CDC45: variants seen among roughly 807,000 people sequenced by gnomAD.
CDC45 encodes cell division cycle 45.
CDC45 carries 54 observed loss-of-function variants against 77.8 expected under a neutral mutation model. The observed-to-expected ratio is 0.69, with a 90% confidence interval of 0.56 to 0.87. The LOEUF is 0.87. Among genes scored for constraint, CDC45 ranks in the 40% least tolerant of loss-of-function variants. The pLI, the probability that CDC45 is intolerant of heterozygous loss-of-function variation, is 0.00. For missense variants in CDC45, 649 were observed against 721.6 expected (o/e 0.90, Z 1.15); for synonymous variants, 260 against 272.1 (o/e 0.96, Z 0.44).
chr22:19,496,136 A>G, intron 7 of CDC45, 107 bp downstream of exon 7: 1 of 794,584 alleles, frequency 1.3e-6, no homozygotes, highest in Non-Finnish European at 2.1e-6. Context: ...GCCTGGTTTG[A>G]ATCTGAGCTC....
intron 16 of CDC45, 82 bp from the exon 17 acceptor site, chr22:19,516,735 C>T: frequency 1.5e-6 from 2 of 1,375,638 alleles, no homozygotes; most frequent in East Asian, 4.6e-5. Context: ...TGGTATTTGC[C>T]TCTAGTGTCT....
Position 19,495,990 on chromosome 22 carries a change from C to G in CDC45, c.552C>G (p.Ile184Met), listed in dbSNP as rs760225957. 8 of 1,610,760 alleles carry G rather than the reference C, an allele frequency of 5.0e-6. No individual in the cohort carries two copies. The South Asian group carries it at 8.8e-5, about 18-fold the overall frequency. ...RREWEARRRD[I>M]LFDYEQYEYH... ...TTTTATGTCATTACAGAAGAGACAT[C>G]CTCTTTGACTACGAGCAGTATGAAT... Residue 184 changes from isoleucine to methionine, a missense_variant, in exon 7 of 19, where the codon ATC becomes ATG. By Grantham distance (10) the Ile-to-Met change is conservative. Transcript: ENST00000263201.
At chr22:19,512,235 G>C (rs972485534) in intron 13 of CDC45, among the ~76,000 whole-genome samples, 1 of 152,068 alleles carries the variant, frequency 6.6e-6, no homozygotes, top group Non-Finnish European at 1.5e-5. Context: ...CTCCAGGGAG[G>C]CTCCTTAAAC....
chr22:19,503,999 G>T (rs1933010018), intron 9 of CDC45, among the ~76,000 whole-genome samples: 1 of 152,244 alleles, frequency 6.6e-6, no homozygotes. Flanking sequence ...TAGTTCAATG[G>T]AACCCAGTGG....
At chr22:19,519,194 C>T (rs13447292) in intron 18 of CDC45, among the ~76,000 whole-genome samples, 2 of 152,216 alleles carry the variant, frequency 1.3e-5, no homozygotes, top group South Asian at 2.1e-4. Context: ...CTGGGCATCG[C>T]GTGTGACACA....
At chr22:19,501,909 G>T (rs530258937) in intron 9 of CDC45, among the ~76,000 whole-genome samples, 2 of 152,142 alleles carry the variant, frequency 1.3e-5, no homozygotes, top group South Asian at 4.2e-4. Context: ...TAGAGATGGG[G>T]TCTTACTTTG....
At chr22:19,505,123 G>T in intron 9 of CDC45, 1 of 532,960 alleles carries the variant, frequency 1.9e-6, no homozygotes, top group East Asian at 3.3e-5. Context: ...GGAGGTGTGA[G>T]ACCCATGAGG....
chr22:19,508,490 C>G, intron 12 of CDC45, 40 bp from the exon 13 acceptor site: 1 of 1,612,056 alleles, frequency 6.2e-7, no homozygotes, highest in Non-Finnish European at 8.5e-7. Context: ...AGAGCTTGCC[C>G]ACAATTTGAG....
In CDC45 at chr22:19,497,435, A is replaced by G; in HGVS notation, c.641A>G (p.Asn214Ser). The stretch of plus-strand genomic sequence containing the variant: ...GCTTGGATGCTGTCCAAGGACCTGA[A>G]TGACATGCTGTGGTACGTAGCCCCT... ...ELAWMLSKDL[N>S]DMLWWAIVGL... The change falls in exon 8 of 19, where the codon AAT becomes AGT. Residue 214 changes from asparagine to serine, a missense_variant. Physicochemically the swap from Asn to Ser is conservative, Grantham distance 46. Transcript: ENST00000263201. 8 of 1,614,092 alleles carry G rather than the reference A, an allele frequency of 5.0e-6. No homozygotes were observed. Among genetic ancestry groups the G allele is most frequent in the Non-Finnish European group, 6.8e-6 (8 of 1,179,958 alleles).
chr22:19,518,748 A>G, intron 17 of CDC45, 96 bp from the exon 18 acceptor site: 1 of 941,174 alleles, frequency 1.1e-6, no homozygotes, highest in Non-Finnish European at 1.8e-6. Flanking sequence ...CGCACTTTGG[A>G]ATGCAGTGGA....
chr22:19,479,677 C>A, upstream of CDC45: 1 of 688,896 alleles, frequency 1.5e-6, no homozygotes, highest in Non-Finnish European at 2.7e-6. Flanking sequence ...CGCCCAGCGT[C>A]GCTTTTCTGG....
At chr22:19,498,994 C>T (rs1004456199) in intron 8 of CDC45, 107 bp from the exon 9 acceptor site, 15 of 1,225,876 alleles carry the variant, frequency 1.2e-5, no homozygotes, top group Non-Finnish European at 1.7e-5. Context: ...GCAGGACATT[C>T]CCCAGAGTGC....
At chr22:19,498,509 C>T (rs2090284224) in intron 8 of CDC45, among the ~76,000 whole-genome samples, 1 of 152,216 alleles carries the variant, frequency 6.6e-6, no homozygotes, top group African/African-American at 2.4e-5. Flanking sequence ...GGAAGCCAGG[C>T]CTTGCCTGGG....
chr22:19,502,920 C>T (rs150706904), intron 9 of CDC45, among the ~76,000 whole-genome samples: 9 of 152,232 alleles, frequency 5.9e-5, no homozygotes, highest in African/African-American at 1.9e-4. Context: ...GGGGTGATGG[C>T]TCATGCCTGT....
In CDC45 at chr22:19,520,356, C is replaced by T. The variant is rs978857128; in HGVS notation, c.*2-125C>T. 1 of 152,256 alleles carries T rather than the reference C, an allele frequency of 6.6e-6. No individual in the cohort carries two copies. Among genetic ancestry groups the T allele is most frequent in the African/African-American group, 2.4e-5 (1 of 41,426 alleles). 9.4% of individuals were successfully genotyped at this position (152,256 alleles called of 1,614,324 possible). A position where few individuals can be genotyped will look rare whatever the true frequency, so the allele number is the denominator to read the frequency against. On this transcript the variant is annotated intron_variant, in intron 18 of 18. Transcript: ENST00000263201. This position sits in a 1 kb window ranked among gnomAD's most constrained non-coding sequence, Gnocchi z 4.5. ...CAGGGGCCTCCGAGTCTGGGGTGGC[C>T]TCACCCCCACAAGCAGTCCTGGCTA...
chr22:19,480,804 G>T, intron 2 of CDC45, 149 bp from the exon 3 acceptor site: 1 of 579,704 alleles, frequency 1.7e-6, no homozygotes, highest in Non-Finnish European at 3.1e-6. Context: ...CATATCCCTA[G>T]CACCTAGCTT....
intron 3 of CDC45, among the ~76,000 whole-genome samples, chr22:19,482,227 G>A (rs1162967226): frequency 6.6e-6 from 1 of 152,210 alleles, no homozygotes; most frequent in African/African-American, 2.4e-5. Flanking sequence ...ACCCGCACCA[G>A]CTTGGTATTT....
At chr22:19,485,179 A>C (rs1442610354) in intron 5 of CDC45, among the ~76,000 whole-genome samples, 2 of 152,188 alleles carry the variant, frequency 1.3e-5, no homozygotes, top group Admixed American at 1.3e-4. Flanking sequence ...ATTGGTTCCC[A>C]AATGTCAGTA....
At chr22:19,479,488 C>T (rs2089935825), upstream of CDC45, 4 of 601,102 alleles carry the variant, frequency 6.7e-6, 1 homozygote, top group East Asian at 4.3e-5. Context: ...CTTCAGCCAT[C>T]GAGGACTCGG....
Sources: gnomAD v4.1 joint callset for allele counts (sites outside exome capture counted in the v4.1 genomes callset) on GRCh38, gnomAD v4.1.1 for gene constraint, Gnocchi (gnomAD v3.1) non-coding constraint, MANE v1.5 for transcripts, NCBI Gene and HGNC (gene_info 2026-07-23, HGNC 2026-07-21) for gene names.